Variants in HIVEP3 observed in about 807,000 individuals in gnomAD.
HIVEP3 encodes the protein transcription factor HIVEP3.
Under a neutral mutation model 152.8 loss-of-function variants are expected in HIVEP3, and 49 were observed. That is an observed-to-expected ratio of 0.32 (90% CI 0.26 to 0.41). The LOEUF (loss-of-function observed/expected upper bound fraction) is 0.41, where lower values mean the gene tolerates loss of function less well. HIVEP3 is among the 10% of genes least tolerant of loss of function. The probability of loss-of-function intolerance (pLI) is 1.00; values close to 1 mark genes in which losing one functional copy is unlikely to be tolerated. For synonymous variants in HIVEP3, 1,269 were observed against 1,289.0 expected (o/e 0.98, Z 0.33); for missense variants, 2,790 against 3,103.3 (o/e 0.90, Z 2.40).
At chr1:41,782,374 C>T (rs1649094313) in intron 1 of HIVEP3, among the ~76,000 whole-genome samples, 1 of 152,128 alleles carries the variant, frequency 6.6e-6, no homozygotes, top group Admixed American at 6.6e-5. Flanking sequence ...AAAATAAGTT[C>T]TGGAGCTGGA....
chr1:41,774,236 T>G (rs1432671372), intron 1 of HIVEP3, among the ~76,000 whole-genome samples: 1 of 152,222 alleles, frequency 6.6e-6, no homozygotes, highest in African/African-American at 2.4e-5. Flanking sequence ...TAGGAAGGCA[T>G]ACGGGGCCTT....
intron 1 of HIVEP3, among the ~76,000 whole-genome samples, chr1:41,746,643 G>C (rs145193732): frequency 9.8e-4 from 149 of 152,272 alleles, no homozygotes; most frequent in African/African-American, 3.5e-3. Flanking sequence ...GGTCTGGTGT[G>C]GGGAGACACA....
chr1:41,891,219 C>G (rs1404555700), intron 1 of HIVEP3, among the ~76,000 whole-genome samples: 3 of 152,148 alleles, frequency 2.0e-5, no homozygotes, highest in Non-Finnish European at 4.4e-5. Context: ...GACAAGAATT[C>G]TAATCAATGT....
intron 1 of HIVEP3, among the ~76,000 whole-genome samples, chr1:41,803,846 A>C (rs1650444458): frequency 6.6e-6 from 1 of 152,238 alleles, no homozygotes; most frequent in Admixed American, 6.5e-5. Context: ...CCCCAGGGAA[A>C]GCTGTGCACA....
At chr1:42,014,163 C>T (rs928391110) in intron 1 of HIVEP3, among the ~76,000 whole-genome samples, 2 of 152,062 alleles carry the variant, frequency 1.3e-5, no homozygotes, top group South Asian at 4.1e-4. Flanking sequence ...CCTTTTCCAC[C>T]CAAAGGACAG....
At chr1:41,637,666 G>C (rs1385200064) in intron 2 of HIVEP3, among the ~76,000 whole-genome samples, 1 of 152,246 alleles carries the variant, frequency 6.6e-6, no homozygotes, top group Non-Finnish European at 1.5e-5. Flanking sequence ...GGATGGAAAG[G>C]ACCTGGGGGA....
intron 1 of HIVEP3, among the ~76,000 whole-genome samples, chr1:41,772,388 A>G (rs907317050): frequency 6.6e-6 from 1 of 152,164 alleles, no homozygotes; most frequent in Admixed American, 6.5e-5. Flanking sequence ...ACACAGGTTA[A>G]GCCAGCTGCA....
At chr1:41,966,739 C>T (rs560722679) in intron 1 of HIVEP3, among the ~76,000 whole-genome samples, 2 of 151,750 alleles carry the variant, frequency 1.3e-5, no homozygotes, top group African/African-American at 4.8e-5. Flanking sequence ...CCTAAGCCTC[C>T]AAAAGTGCTG....
At chr1:41,962,441 T>C (rs1209113784) in intron 1 of HIVEP3, among the ~76,000 whole-genome samples, 1 of 152,252 alleles carries the variant, frequency 6.6e-6, no homozygotes, top group Non-Finnish European at 1.5e-5. Flanking sequence ...GGAAATGTCA[T>C]ACCAAATTAC....
intron 1 of HIVEP3, among the ~76,000 whole-genome samples, chr1:42,016,893 C>T (rs1408984330): frequency 1.3e-5 from 2 of 152,154 alleles, no homozygotes; most frequent in East Asian, 3.9e-4. Context: ...TTTATGTAGG[C>T]AAATATTTCC....
At chr1:41,519,507 C>A (rs1203412169) in intron 6 of HIVEP3, among the ~76,000 whole-genome samples, 4 of 152,242 alleles carry the variant, frequency 2.6e-5, no homozygotes, top group African/African-American at 9.6e-5. Context: ...CCAGCAGCTA[C>A]TCCCAAACCG....
intron 5 of HIVEP3, among the ~76,000 whole-genome samples, chr1:41,551,158 G>C (rs1334472365): frequency 1.3e-5 from 2 of 152,184 alleles, no homozygotes; most frequent in African/African-American, 4.8e-5. Flanking sequence ...CGATGGTTCT[G>C]TTTATGTGAT....
intron 1 of HIVEP3, among the ~76,000 whole-genome samples, chr1:41,929,630 G>A (rs771828175): frequency 6.6e-6 from 1 of 151,390 alleles, no homozygotes; most frequent in Non-Finnish European, 1.5e-5. Context: ...TCAGTAGACA[G>A]AGCTAGGAAA....
At chr1:41,709,115 C>T (rs149805406) in intron 1 of HIVEP3, among the ~76,000 whole-genome samples, 1 of 152,308 alleles carries the variant, frequency 6.6e-6, no homozygotes, top group East Asian at 1.9e-4. Flanking sequence ...TGCCAGCTAC[C>T]CATGGCCTTG....
At chr1:41,568,404 C>T (rs1449030843) in intron 5 of HIVEP3, among the ~76,000 whole-genome samples, 1 of 152,358 alleles carries the variant, frequency 6.6e-6, no homozygotes, top group East Asian at 1.9e-4. Context: ...TTGGCCAAAG[C>T]CCAGGGAGCA....
At chr1:41,697,406 T>A (rs760669586) in intron 2 of HIVEP3, among the ~76,000 whole-genome samples, 2 of 152,236 alleles carry the variant, frequency 1.3e-5, no homozygotes, top group Non-Finnish European at 2.9e-5. Flanking sequence ...GGGAGTGAGT[T>A]TTGAATTATT....
At chr1:41,512,271 T>C (rs1642449237) in intron 8 of HIVEP3, among the ~76,000 whole-genome samples, 2 of 152,094 alleles carry the variant, frequency 1.3e-5, no homozygotes, top group African/African-American at 4.8e-5. Flanking sequence ...GGCCTGATAC[T>C]GTCCTCCAGA....
rs1160435826 is a variant in HIVEP3 at position 41,533,435 on chromosome 1, G to C, written c.5208-8525C>G. 6.6e-6 allele frequency among the ~76,000 whole-genome samples: 1 copy of C among 151,970 alleles called. No individual in the cohort carries two copies. Among genetic ancestry groups the C allele is most frequent in the Non-Finnish European group, 1.5e-5 (1 of 68,010 alleles). ...AATCAACCAGCCCCAAGCCTCCCTG[G>C]GCCCAAATCCCGGGCCAGCTCTGCT... On this transcript the variant is annotated intron_variant, in intron 5 of 8. Transcript: ENST00000372583. This position sits in a 1 kb window ranked among gnomAD's most constrained non-coding sequence, Gnocchi z 4.3.
intron 5 of HIVEP3, among the ~76,000 whole-genome samples, chr1:41,547,659 G>A (rs1004641735): frequency 6.6e-6 from 1 of 152,188 alleles, no homozygotes. Flanking sequence ...CCAACCATGT[G>A]GCAGAGTTAT....
Sources: gnomAD v4.1 joint callset for allele counts (sites outside exome capture counted in the v4.1 genomes callset) on GRCh38, gnomAD v4.1.1 for gene constraint, Gnocchi (gnomAD v3.1) non-coding constraint, MANE v1.5 for transcripts, NCBI Gene and HGNC (gene_info 2026-07-23, HGNC 2026-07-21) for gene names.